The following TMEM178B variants were observed in gnomAD, a reference collection of about 807,000 sequenced individuals.
TMEM178B encodes the protein transmembrane protein 178B.
Under a neutral mutation model 31.0 loss-of-function variants are expected in TMEM178B, and 5 were observed. That is an observed-to-expected ratio of 0.16 (90% CI 0.08 to 0.34). The LOEUF (loss-of-function observed/expected upper bound fraction) is 0.34. TMEM178B is among the 10% of genes least tolerant of loss of function. TMEM178B has a pLI of 1.00. For synonymous variants in TMEM178B, 164 were observed against 164.0 expected (o/e 1.00, Z 0.00); for missense variants, 275 against 400.3 (o/e 0.69, Z 2.67).
chr7:141,277,461 G>A (rs896598732), intron 2 of TMEM178B, among the ~76,000 whole-genome samples: 1 of 152,180 alleles, frequency 6.6e-6, no homozygotes, highest in African/African-American at 2.4e-5. Flanking sequence ...CACACAGGGA[G>A]CTGTCATTTC....
chr7:141,320,578 C>A (rs534954434), intron 2 of TMEM178B, among the ~76,000 whole-genome samples: 2 of 152,280 alleles, frequency 1.3e-5, no homozygotes, highest in Non-Finnish European at 1.5e-5. Context: ...ATCCCTCACA[C>A]CTGGAGGCTC....
At chr7:141,077,373 C>T (rs1394045479) in intron 1 of TMEM178B, among the ~76,000 whole-genome samples, 1 of 152,166 alleles carries the variant, frequency 6.6e-6, no homozygotes, top group Non-Finnish European at 1.5e-5. Context: ...AGAGACTTAT[C>T]TAAATGATCT....
chr7:141,221,440 A>G (rs927148249), intron 2 of TMEM178B, among the ~76,000 whole-genome samples: 2 of 152,248 alleles, frequency 1.3e-5, no homozygotes, highest in Non-Finnish European at 2.9e-5. Flanking sequence ...CAATAAAGTC[A>G]GTCAGCAGGT....
In TMEM178B at chr7:141,182,808, T is replaced by C. The variant is rs1205176183; in HGVS notation, c.383-29783T>C. Among the ~76,000 whole-genome samples the C allele has an allele frequency of 2.0e-5, 3 of 152,188 alleles. No homozygotes were observed. The East Asian group carries it at 5.8e-4, about 29-fold the overall frequency. On this transcript the variant is annotated intron_variant, in intron 1 of 3. Coordinates refer to ENST00000565468, the MANE Select transcript of TMEM178B (RefSeq NM_001195278.2). ...GGAGTTCCCCTGCACAAGCTCTCTT[T>C]TCCCTGAGCCACGTAAGATGTGCCT... is the stretch of plus-strand genomic sequence containing the variant.
At chr7:141,429,881 C>T (rs1301429832) in intron 2 of TMEM178B, 3 of 152,312 alleles carry the variant, frequency 2.0e-5, no homozygotes, top group Middle Eastern at 3.4e-3. Flanking sequence ...AACTTACACC[C>T]TAGAAGAAAG....
chr7:141,187,653 A>G (rs908624249), intron 1 of TMEM178B, among the ~76,000 whole-genome samples: 6 of 152,316 alleles, frequency 3.9e-5, no homozygotes, highest in Middle Eastern at 3.4e-3. Context: ...GTGAGATGGT[A>G]TCTCATTGTG....
the TMEM178B span, among the ~76,000 whole-genome samples, chr7:141,502,778 A>G: frequency 6.6e-6 from 1 of 152,114 alleles, no homozygotes; most frequent in Non-Finnish European, 1.5e-5. Context: ...CTAAAAAAAA[A>G]AAAAGATAAA....
chr7:141,281,480 G>A (rs1273587024), intron 2 of TMEM178B, among the ~76,000 whole-genome samples: 5 of 152,118 alleles, frequency 3.3e-5, no homozygotes, highest in Non-Finnish European at 5.9e-5. Flanking sequence ...GCGAACGTGC[G>A]TTGTCTGTCT....
intron 1 of TMEM178B, among the ~76,000 whole-genome samples, chr7:141,198,963 G>T (rs567666650): frequency 6.6e-6 from 1 of 152,180 alleles, no homozygotes. Flanking sequence ...ACACCAGATG[G>T]TAATCTAAAG....
chr7:141,215,333 T>TATC (rs1797113472), intron 2 of TMEM178B, among the ~76,000 whole-genome samples: 1 of 86,538 alleles, frequency 1.2e-5, no homozygotes, highest in Admixed American at 1.3e-4. Flanking sequence ...TTATTATTAT[T>TATC]ATTATTTTTT....
At chr7:141,438,031 T>C (rs1434783736) in intron 3 of TMEM178B, among the ~76,000 whole-genome samples, 1 of 152,116 alleles carries the variant, frequency 6.6e-6, no homozygotes, top group Non-Finnish European at 1.5e-5. Flanking sequence ...AGACGGGTGG[T>C]TACGGCAGAT....
intron 1 of TMEM178B, among the ~76,000 whole-genome samples, chr7:141,085,368 C>T (rs1794763397): frequency 6.6e-6 from 1 of 151,990 alleles, no homozygotes; most frequent in Non-Finnish European, 1.5e-5. Flanking sequence ...GATTCATCTA[C>T]AGGTGATGTT....
At chr7:141,271,631 A>T (rs1424438874) in intron 2 of TMEM178B, among the ~76,000 whole-genome samples, 1 of 152,200 alleles carries the variant, frequency 6.6e-6, no homozygotes, top group African/African-American at 2.4e-5. Context: ...GCTGTTTCAA[A>T]ACAAAATCCT....
chr7:141,106,393 G>C (rs1406711589), intron 1 of TMEM178B, among the ~76,000 whole-genome samples: 1 of 152,172 alleles, frequency 6.6e-6, no homozygotes, highest in Non-Finnish European at 1.5e-5. Flanking sequence ...ATATTACAGA[G>C]AGGAACATAA....
intron 2 of TMEM178B, among the ~76,000 whole-genome samples, chr7:141,235,492 A>G (rs1011717738): frequency 9.2e-5 from 14 of 152,242 alleles, no homozygotes; most frequent in African/African-American, 3.4e-4. Context: ...TAATCTAATC[A>G]TGGAATTTTA....
At chr7:141,494,985 A>T in the TMEM178B span, among the ~76,000 whole-genome samples, 1 of 152,172 alleles carries the variant, frequency 6.6e-6, no homozygotes, top group African/African-American at 2.4e-5. Flanking sequence ...CCATCACATG[A>T]TTTTCTATAC....
At chr7:141,399,920 G>C (rs1432406651) in intron 2 of TMEM178B, among the ~76,000 whole-genome samples, 1 of 151,892 alleles carries the variant, frequency 6.6e-6, no homozygotes, top group East Asian at 1.9e-4. Context: ...TAAGTGCACC[G>C]GTATTCTCCA....
chr7:141,447,797 A>G (rs1801787923), intron 3 of TMEM178B, among the ~76,000 whole-genome samples: 1 of 152,096 alleles, frequency 6.6e-6, no homozygotes, highest in South Asian at 2.1e-4. Context: ...TGTACCAGCT[A>G]TACAATTTGT....
chr7:141,227,044 C>A (rs919656277), intron 2 of TMEM178B, among the ~76,000 whole-genome samples: 4 of 152,052 alleles, frequency 2.6e-5, no homozygotes, highest in Admixed American at 2.6e-4. Context: ...TCCTTAGTGC[C>A]CAGTGTGGAC....
Sources: allele counts gnomAD v4.1 joint callset (sites outside exome capture counted in the v4.1 genomes callset), GRCh38; gene constraint gnomAD v4.1.1; transcripts MANE v1.5; gene names NCBI Gene and HGNC (gene_info 2026-07-23, HGNC 2026-07-21).